The following CATSPERT variants were observed in gnomAD, a reference collection of about 807,000 sequenced individuals.
CATSPERT encodes cation channel sperm-associated targeting subunit tau.
the CATSPERT span, among the ~76,000 whole-genome samples, chr2:201,608,723 G>C: frequency 6.6e-6 from 1 of 151,830 alleles, no homozygotes; most frequent in Non-Finnish European, 1.5e-5. Context: ...AGGCTGAGTT[G>C]GGAGGATCAC....
the CATSPERT span, among the ~76,000 whole-genome samples, chr2:201,546,675 T>G: frequency 2.0e-5 from 3 of 152,230 alleles, no homozygotes; most frequent in Admixed American, 6.5e-5. Context: ...ACATTGCTGG[T>G]TGGAATGTAC....
chr2:201,607,453 A>C, the CATSPERT span, among the ~76,000 whole-genome samples: 1 of 152,152 alleles, frequency 6.6e-6, no homozygotes, highest in Non-Finnish European at 1.5e-5. Flanking sequence ...GGAGTTCGAG[A>C]CCAGCCTGGG....
the CATSPERT span, chr2:201,575,269 G>C: frequency 6.4e-6 from 10 of 1,571,166 alleles, no homozygotes; most frequent in South Asian, 1.2e-5. Flanking sequence ...GGAAGTTTCA[G>C]TAAAGTCCTT....
chr2:201,526,082 TAAG>T, the CATSPERT span, among the ~76,000 whole-genome samples: 10 of 152,146 alleles, frequency 6.6e-5, no homozygotes, highest in African/African-American at 2.4e-4. Flanking sequence ...TCCAAAAATT[TAAG>T]AAGGAGATAG....
At chr2:201,575,519 C>T in the CATSPERT span, among the ~76,000 whole-genome samples, 1 of 152,132 alleles carries the variant, frequency 6.6e-6, no homozygotes, top group Non-Finnish European at 1.5e-5. Context: ...AGCCACTTCT[C>T]ATCACTCACA....
the CATSPERT span, among the ~76,000 whole-genome samples, chr2:201,601,188 C>T: frequency 6.6e-5 from 10 of 152,184 alleles, no homozygotes; most frequent in East Asian, 1.9e-4. Context: ...AGCTCAACCA[C>T]TTACCACTTA....
the CATSPERT span, among the ~76,000 whole-genome samples, chr2:201,546,790 T>A: frequency 1.3e-5 from 2 of 152,106 alleles, no homozygotes; most frequent in South Asian, 2.1e-4. Context: ...CCCCAGAGAA[T>A]TGAAAACATT....
chr2:201,500,320 C>T, the CATSPERT span, among the ~76,000 whole-genome samples: 1 of 152,100 alleles, frequency 6.6e-6, no homozygotes, highest in East Asian at 1.9e-4. Flanking sequence ...CGAGACCATC[C>T]TGGCTAACAC....
chr2:201,575,188 G>T, the CATSPERT span: 1 of 1,045,402 alleles, frequency 9.6e-7, no homozygotes, highest in Non-Finnish European at 1.3e-6. Context: ...ATAAAAACAT[G>T]TAGGCTACAA....
chr2:201,536,154 C>A, the CATSPERT span: 1 of 1,613,462 alleles, frequency 6.2e-7, no homozygotes. Flanking sequence ...AGGTGGTATT[C>A]TGCCTGCTTT....
chr2:201,611,308 T>A, the CATSPERT span, among the ~76,000 whole-genome samples: 1 of 152,028 alleles, frequency 6.6e-6, no homozygotes, highest in Non-Finnish European at 1.5e-5. Context: ...TAGAAATCAG[T>A]AACAGGAAAT....
At chr2:201,579,148 C>A in the CATSPERT span, among the ~76,000 whole-genome samples, 1 of 152,146 alleles carries the variant, frequency 6.6e-6, no homozygotes, top group South Asian at 2.1e-4. Context: ...CAGTATTATA[C>A]CCAAGAAAAT....
the CATSPERT span, among the ~76,000 whole-genome samples, chr2:201,539,768 C>A: frequency 6.6e-6 from 1 of 151,922 alleles, no homozygotes; most frequent in Non-Finnish European, 1.5e-5. Context: ...CCATTAATAA[C>A]CCCAAAATGG....
At chr2:201,562,527 T>TTTATTTA in the CATSPERT span, among the ~76,000 whole-genome samples, 1 of 60,262 alleles carries the variant, frequency 1.7e-5, no homozygotes, top group African/African-American at 5.1e-5. Context: ...TATTTATTTA[T>TTTATTTA]TTTTTTTATT....
At chr2:201,530,337 T>G in the CATSPERT span, among the ~76,000 whole-genome samples, 93,285 of 152,086 alleles carry the variant, frequency 0.61, 30,377 homozygotes, top group East Asian at 0.95. Flanking sequence ...ATAGCTAAGA[T>G]ATGGAAGCAA....
the CATSPERT span, among the ~76,000 whole-genome samples, chr2:201,610,433 G>C: frequency 5.4e-5 from 8 of 148,888 alleles, no homozygotes; most frequent in African/African-American, 1.5e-4. Context: ...ACTCCAGCCT[G>C]GGTGACAGTG....
chr2:201,539,795 G>A, the CATSPERT span, among the ~76,000 whole-genome samples: 1 of 152,100 alleles, frequency 6.6e-6, no homozygotes, highest in Non-Finnish European at 1.5e-5. Context: ...GTGTTCAAGT[G>A]AAAGAAGATT....
the CATSPERT span, among the ~76,000 whole-genome samples, chr2:201,581,914 T>C: frequency 6.6e-6 from 1 of 152,068 alleles, no homozygotes; most frequent in Non-Finnish European, 1.5e-5. Context: ...AGAAACATTA[T>C]GCTATTATAA....
the CATSPERT span, chr2:201,557,161 A>G: frequency 6.6e-6 from 1 of 152,220 alleles, no homozygotes; most frequent in Non-Finnish European, 1.5e-5. Flanking sequence ...TTTCTGTTAC[A>G]TGATCAATCA....
Sources: gnomAD v4.1 joint callset for allele counts (sites outside exome capture counted in the v4.1 genomes callset) on GRCh38, gnomAD v4.1.1 for gene constraint, MANE v1.5 for transcripts, NCBI Gene and HGNC (gene_info 2026-07-23, HGNC 2026-07-21) for gene names.